The following SYNE2 variants were observed in gnomAD, a reference collection of about 807,000 sequenced individuals.
SYNE2 encodes spectrin repeat containing nuclear envelope protein 2.
Under a neutral mutation model 856.3 loss-of-function variants are expected in SYNE2, and 431 were observed. The observed-to-expected ratio is 0.50, with a 90% CI of 0.47 to 0.55. SYNE2 has a LOEUF of 0.55. SYNE2 is among the 20% of genes least tolerant of loss of function. SYNE2 has a pLI of 0.00. For synonymous variants in SYNE2, 2,923 were observed against 2,872.3 expected, an observed-to-expected ratio of 1.02 and a Z score of -0.56; for missense variants, 8,129 against 8,023.2, an observed-to-expected ratio of 1.01 and a Z score of -0.50.
At position 64,176,033 on chromosome 14, in the gene SYNE2, G is replaced by T. The variant is rs370163495; in HGVS notation, c.17430+895G>T. The stretch of plus-strand genomic sequence containing the variant: ...TCTCCTTTGCTTTCTTTTGAGTTGA[G>T]TTCCAGATAGTTAATATTGCTACAC... On this transcript the variant is annotated intron_variant, in intron 95 of 115. Coordinates refer to ENST00000555002, the MANE Select transcript of SYNE2 (RefSeq NM_182914.3). Among the ~76,000 whole-genome samples, 33 of 152,338 alleles carry T rather than the reference G, an allele frequency of 2.2e-4. 1 individual carries two copies. Among genetic ancestry groups the T allele is most frequent in the Middle Eastern group, 3.4e-3 (1 of 294 alleles).
chr14:64,162,406 A>G, intron 88 of SYNE2, 130 bp downstream of exon 88: 1 of 978,070 alleles, frequency 1.0e-6, no homozygotes, highest in Non-Finnish European at 1.6e-6. Context: ...TGAACTTGCC[A>G]TGTAGGACAT....
chr14:63,924,778 A>G (rs2095639893), intron 2 of SYNE2, among the ~76,000 whole-genome samples: 1 of 144,638 alleles, frequency 6.9e-6, no homozygotes, highest in African/African-American at 2.6e-5. Context: ...ATTCTGCATA[A>G]AAGTTCATGT....
chr14:63,887,689 A>C (rs1006053583), intron 1 of SYNE2, among the ~76,000 whole-genome samples: 4 of 150,300 alleles, frequency 2.7e-5, no homozygotes, highest in African/African-American at 9.8e-5. Flanking sequence ...TATTTGAAAT[A>C]TGCTTTAATA....
At chr14:64,189,537 C>T (rs527768661) in intron 98 of SYNE2, among the ~76,000 whole-genome samples, 3 of 152,284 alleles carry the variant, frequency 2.0e-5, no homozygotes, top group South Asian at 4.1e-4. Context: ...TCAGCTCCCA[C>T]GTAGGTTAGA....
intron 18 of SYNE2, among the ~76,000 whole-genome samples, chr14:63,985,322 T>C: frequency 9.3e-6 from 1 of 107,358 alleles, no homozygotes; most frequent in South Asian, 3.0e-4. Context: ...AGACCGAGGC[T>C]CCATCTCAAA....
chr14:63,762,490 G>T (rs1036270945), intron 1 of SYNE2, among the ~76,000 whole-genome samples: 81 of 134,590 alleles, frequency 6.0e-4, no homozygotes, highest in African/African-American at 2.2e-3. Flanking sequence ...AAACTATCAA[G>T]AACTTTTTTT....
intron 1 of SYNE2, among the ~76,000 whole-genome samples, chr14:63,907,239 T>C (rs1026389234): frequency 6.6e-6 from 1 of 152,220 alleles, no homozygotes; most frequent in African/African-American, 2.4e-5. Flanking sequence ...GAGAGTGGCA[T>C]CCAGCTTATA....
At chr14:63,835,737 A>G (rs1038783753) in intron 1 of SYNE2, among the ~76,000 whole-genome samples, 2 of 152,188 alleles carry the variant, frequency 1.3e-5, no homozygotes, top group Admixed American at 6.6e-5. Flanking sequence ...TAATCCCAGT[A>G]TTTTGGGAGG....
In SYNE2 at chr14:64,090,523, C is replaced by T. The variant is rs552394441; in HGVS notation, c.11794-343C>T. ...AGTCCTGTGCTAGGTGTAGTTGCTA[C>T]GAAAGTGAGAGGCAGTACCTGCCCT... On this transcript the variant is annotated intron_variant, in intron 59 of 115. Coordinates refer to ENST00000555002, the MANE Select transcript of SYNE2 (RefSeq NM_182914.3). 4.6e-5 allele frequency among the ~76,000 whole-genome samples: 7 copies of T among 152,216 alleles called. No individual in the cohort carries two copies. The South Asian group carries it at 1.0e-3, about 23-fold the overall frequency.
chr14:64,056,473 C>CTTT (rs373743691), intron 49 of SYNE2, among the ~76,000 whole-genome samples: 2 of 142,970 alleles, frequency 1.4e-5, no homozygotes, highest in Non-Finnish European at 3.1e-5. Flanking sequence ...TGTATTTCTT[C>CTTT]TTTTTTTTTT....
intron 11 of SYNE2, among the ~76,000 whole-genome samples, chr14:63,974,892 GTATATATATATATATATATATA>G (rs145247655): frequency 0.19 from 12,953 of 67,454 alleles, 1,212 homozygotes; most frequent in African/African-American, 0.22. Flanking sequence ...GTGTGTGTGT[GTATATATATATATATATATATA>G]TATGTATCTT....
At chr14:63,776,299 A>T (rs192548037) in intron 1 of SYNE2, among the ~76,000 whole-genome samples, 1 of 152,334 alleles carries the variant, frequency 6.6e-6, no homozygotes, top group African/African-American at 2.4e-5. Context: ...AGAGGGTCTT[A>T]GTCCAATCCA....
At chr14:63,890,731 C>T (rs1268656638) in intron 1 of SYNE2, among the ~76,000 whole-genome samples, 1 of 152,216 alleles carries the variant, frequency 6.6e-6, no homozygotes, top group Non-Finnish European at 1.5e-5. Flanking sequence ...TCCTGGCAGC[C>T]TTCCCATCCC....
chr14:64,150,291 C>CGAAAAAA (rs2098229041), intron 84 of SYNE2, among the ~76,000 whole-genome samples: 3 of 35,624 alleles, frequency 8.4e-5, no homozygotes, highest in Non-Finnish European at 5.8e-5. Flanking sequence ...GATTCTCTCT[C>CGAAAAAA]AAAAAAAAAA....
intron 2 of SYNE2, among the ~76,000 whole-genome samples, chr14:63,919,900 A>G (rs1427329043): frequency 6.6e-6 from 1 of 150,662 alleles, no homozygotes; most frequent in Non-Finnish European, 1.5e-5. Flanking sequence ...GGAAGTGGAG[A>G]GAGTCACTTG....
intron 31 of SYNE2, among the ~76,000 whole-genome samples, chr14:64,007,855 A>T (rs1270261958): frequency 1.3e-5 from 2 of 152,132 alleles, no homozygotes; most frequent in East Asian, 1.9e-4. Flanking sequence ...TAAAAAACAT[A>T]AAAAAAGTAA....
At chr14:64,004,822 A>G (rs894405354) in intron 30 of SYNE2, among the ~76,000 whole-genome samples, 5 of 152,170 alleles carry the variant, frequency 3.3e-5, no homozygotes, top group African/African-American at 1.2e-4. Flanking sequence ...CCACCACGGC[A>G]TGCGATTGCA....
At chr14:63,970,196 CT>C (rs961221594) in intron 11 of SYNE2, among the ~76,000 whole-genome samples, 9 of 149,202 alleles carry the variant, frequency 6.0e-5, no homozygotes, top group Non-Finnish European at 6.0e-5. Context: ...CAATCCCTGT[CT>C]TTTTTTTTTG....
chr14:64,073,508 C>T (rs1268453735), intron 52 of SYNE2, among the ~76,000 whole-genome samples: 2 of 152,152 alleles, frequency 1.3e-5, no homozygotes, highest in African/African-American at 2.4e-5. Context: ...AGATACTTAC[C>T]AAATAACCCT....
Sources: gnomAD v4.1 joint callset for allele counts (sites outside exome capture counted in the v4.1 genomes callset) on GRCh38, gnomAD v4.1.1 for gene constraint, MANE v1.5 for transcripts, NCBI Gene and HGNC (gene_info 2026-07-23, HGNC 2026-07-21) for gene names.